The following ALOX5 variants were observed in gnomAD, a reference collection of about 807,000 sequenced individuals.
The protein encoded by ALOX5 is arachidonate 5-lipoxygenase, also known as polyunsaturated fatty acid 5-lipoxygenase.
Under a neutral mutation model 87.9 loss-of-function variants are expected in ALOX5, and 64 were observed. The ratio of observed to expected loss-of-function variants is 0.73; its 90% CI spans 0.60 to 0.90. The LOEUF (loss-of-function observed/expected upper bound fraction) is 0.90. ALOX5 is among the 40% of genes least tolerant of loss of function. The pLI is 0.00. For missense variants in ALOX5, 822 were observed against 907.5 expected (o/e 0.91, Z 1.21); for synonymous variants, 388 against 355.1 (o/e 1.09, Z -1.04).
intron 6 of ALOX5, 151 bp from the exon 7 acceptor site, chr10:45,428,467 C>A: frequency 1.0e-6 from 1 of 975,486 alleles, no homozygotes; most frequent in Non-Finnish European, 1.5e-6. Context: ...ATCAATCAGC[C>A]TTGGAGTCAG....
chr10:45,380,227 G>A (rs948746700), intron 1 of ALOX5, among the ~76,000 whole-genome samples: 1 of 152,244 alleles, frequency 6.6e-6, no homozygotes, highest in Non-Finnish European at 1.5e-5. Context: ...CTGCAGGAGG[G>A]GCATTGTCGT....
chr10:45,429,388 GGCAGATGAGCATTCA>G (rs1841839364), intron 7 of ALOX5, among the ~76,000 whole-genome samples: 1 of 152,184 alleles, frequency 6.6e-6, no homozygotes, highest in Admixed American at 6.5e-5. Flanking sequence ...GTGGGAGACT[GGCAGATGAGCATTCA>G]GCAAATAATG....
intron 4 of ALOX5, among the ~76,000 whole-genome samples, chr10:45,420,494 G>A (rs575991706): frequency 1.4e-4 from 21 of 152,348 alleles, no homozygotes; most frequent in African/African-American, 4.1e-4. Flanking sequence ...TATAGCTTGC[G>A]TCAGAATCCC....
In ALOX5 at chr10:45,445,661, C is replaced by T. The variant is rs780844866; in HGVS notation, c.1999C>T (p.Arg667Trp). 18 of 1,613,808 alleles carry T rather than the reference C, an allele frequency of 1.1e-5. No individual in the cohort carries two copies. The highest frequency in any genetic ancestry group is 6.7e-5 in the East Asian group (3 of 44,878). The change falls in exon 14 of 14, where the codon CGG becomes TGG. Residue 667 changes from arginine (R) to tryptophan (W), a missense_variant. Coordinates refer to ENST00000374391, the MANE Select transcript of ALOX5 (RefSeq NM_000698.5). ...GCCATATTACTACTTGTCCCCAGAC[C>T]GGATTCCGAACAGTGTGGCCATCTG... is the stretch of plus-strand genomic sequence containing the variant. ...QLPYYYLSPD[R>W]IPNSVAI
Position 45,393,296 on chromosome 10 carries a change from A to C in ALOX5, c.350-2559A>C, listed in dbSNP as rs186785022. ...CATCCCTGGGATGCAAAGCTGGTTC[A>C]ACATACACAAATCAATAAATGTAAT... On this transcript the variant is annotated intron_variant, in intron 2 of 13. Transcript: ENST00000374391. Among the ~76,000 whole-genome samples the C allele has an allele frequency of 5.8e-3, 878 of 152,370 alleles. 7 individuals carry two copies. The highest frequency in any genetic ancestry group is 0.02 in the African/African-American group (818 of 41,578).
intron 4 of ALOX5, among the ~76,000 whole-genome samples, chr10:45,418,965 G>A (rs1459659392): frequency 6.6e-6 from 1 of 152,194 alleles, no homozygotes; most frequent in Non-Finnish European, 1.5e-5. Context: ...GGGGTCGGGG[G>A]CTCACACGCC....
At chr10:45,415,448 G>T (rs1339420429) in intron 4 of ALOX5, among the ~76,000 whole-genome samples, 2 of 152,140 alleles carry the variant, frequency 1.3e-5, no homozygotes, top group African/African-American at 2.4e-5. Context: ...GGTGGGGAGA[G>T]GGGGGAGGGA....
intron 7 of ALOX5, among the ~76,000 whole-genome samples, chr10:45,437,190 TA>T (rs1419070265): frequency 6.6e-6 from 1 of 152,150 alleles, no homozygotes; most frequent in Non-Finnish European, 1.5e-5. Flanking sequence ...CCGTCTCAAT[TA>T]AAAATACAAA....
chr10:45,392,197 C>A (rs1840307036), intron 2 of ALOX5, among the ~76,000 whole-genome samples: 1 of 152,214 alleles, frequency 6.6e-6, no homozygotes, highest in Non-Finnish European at 1.5e-5. Context: ...ACCACCCCAT[C>A]TGGGAGGTGT....
At chr10:45,392,047 C>G (rs1465353109) in intron 2 of ALOX5, among the ~76,000 whole-genome samples, 2 of 151,616 alleles carry the variant, frequency 1.3e-5, no homozygotes, top group South Asian at 2.1e-4. Context: ...GGGGTTCAGC[C>G]CCCCGCCCGG....
In ALOX5 at chr10:45,443,171, A is replaced by G; in HGVS notation, c.1406A>G (p.Tyr469Cys). ...GAGAGCAAAGAAGACATCCCCTACT[A>G]CTTCTACCGGGACGACGGGCTCCTG... ...GMESKEDIPY[Y>C]FYRDDGLLVW... The change falls in exon 10 of 14, where the codon TAC becomes TGC. Residue 469 changes from tyrosine to cysteine, a missense_variant. Coordinates refer to ENST00000374391, the MANE Select transcript of ALOX5 (RefSeq NM_000698.5). 1.2e-6 allele frequency: 2 copies of G among 1,613,452 alleles called. No individual in the cohort carries two copies. The highest frequency in any genetic ancestry group is 1.7e-6 in the Non-Finnish European group (2 of 1,179,888).
At chr10:45,444,024 G>A (rs547090215) in intron 12 of ALOX5, 92 bp from the exon 13 acceptor site, 1 of 1,458,576 alleles carries the variant, frequency 6.9e-7, no homozygotes, top group South Asian at 1.4e-5. Context: ...GGGCCCGCTG[G>A]AGTTGGGGGG....
Position 45,441,437 on chromosome 10 carries a change from G to C in ALOX5, c.1272+7G>C, listed in dbSNP as rs1564449556. The C allele has an allele frequency of 6.2e-7, 1 of 1,612,622 alleles. No homozygotes were observed. The highest frequency in any genetic ancestry group is 1.3e-5 in the African/African-American group (1 of 74,880). On this transcript the variant is annotated splice_region_variant and intron_variant, in intron 9 of 13. Coordinates refer to ENST00000374391, the MANE Select transcript of ALOX5 (RefSeq NM_000698.5). ...GTGTGGCCTCTTTGACAAGGTGGGT[G>C]CCCTCCTACCCTACTTGTTGCCTGG...
chr10:45,397,931 G>T (rs77519841), intron 3 of ALOX5, among the ~76,000 whole-genome samples: 2 of 152,082 alleles, frequency 1.3e-5, no homozygotes, highest in Non-Finnish European at 2.9e-5. Flanking sequence ...TAATGTACAC[G>T]TTCAACACAA....
intron 3 of ALOX5, among the ~76,000 whole-genome samples, chr10:45,409,781 T>C (rs571085477): frequency 1.3e-5 from 2 of 152,356 alleles, no homozygotes; most frequent in African/African-American, 4.8e-5. Flanking sequence ...CCTGTGCAGG[T>C]CAGCCTGTCA....
intron 3 of ALOX5, among the ~76,000 whole-genome samples, chr10:45,396,267 A>G (rs1840499575): frequency 6.6e-6 from 1 of 152,254 alleles, no homozygotes; most frequent in Non-Finnish European, 1.5e-5. Flanking sequence ...ATTCAATTAT[A>G]AAAGTGATAC....
intron 2 of ALOX5, among the ~76,000 whole-genome samples, chr10:45,391,225 T>C (rs1840233034): frequency 6.6e-6 from 1 of 152,032 alleles, no homozygotes; most frequent in African/African-American, 2.4e-5. Flanking sequence ...GCCGAGTGCC[T>C]GCGATTGCAG....
intron 3 of ALOX5, among the ~76,000 whole-genome samples, chr10:45,410,017 C>G (rs1215533056): frequency 6.6e-6 from 1 of 152,280 alleles, no homozygotes; most frequent in South Asian, 2.1e-4. Flanking sequence ...AAGTATTCCA[C>G]ATCCGTCCAA....
At chr10:45,388,077 A>G (rs1343597218) in intron 2 of ALOX5, among the ~76,000 whole-genome samples, 1 of 152,008 alleles carries the variant, frequency 6.6e-6, no homozygotes, top group East Asian at 1.9e-4. Context: ...AAATTGGGTC[A>G]CTCCCACCCT....
Sources: allele counts gnomAD v4.1 joint callset (sites outside exome capture counted in the v4.1 genomes callset), GRCh38; gene constraint gnomAD v4.1.1; transcripts MANE v1.5; gene names NCBI Gene and HGNC (gene_info 2026-07-23, HGNC 2026-07-21).